The following TXNRD1 variants were observed in gnomAD, a reference collection of about 807,000 sequenced individuals.
The protein encoded by TXNRD1 is thioredoxin reductase 1, cytoplasmic.
In TXNRD1, 57 loss-of-function variants were observed where a neutral mutation model predicts 80.3. The observed-to-expected ratio is 0.71, with a 90% confidence interval of 0.57 to 0.89. The LOEUF is 0.89. TXNRD1 is among the 40% of genes least tolerant of loss of function. TXNRD1 has a pLI of 0.00. For synonymous variants in TXNRD1, 291 were observed against 285.2 expected (o/e 1.02, Z -0.20); for missense variants, 730 against 803.0 (o/e 0.91, Z 1.10).
intron 4 of TXNRD1, chr12:104,310,012 A>G (rs1318678507): frequency 6.5e-7 from 1 of 1,536,190 alleles, no homozygotes; most frequent in Non-Finnish European, 8.7e-7. Flanking sequence ...CCACATCCCA[A>G]GAACCTTCTT....
At chr12:104,243,289 A>G (rs1297075146) in intron 1 of TXNRD1, among the ~76,000 whole-genome samples, 2 of 152,090 alleles carry the variant, frequency 1.3e-5, no homozygotes, top group Non-Finnish European at 2.9e-5. Context: ...GTGTGTTTCC[A>G]TAAAGACTTC....
At chr12:104,263,165 C>G (rs974241500) in intron 3 of TXNRD1, among the ~76,000 whole-genome samples, 2 of 152,192 alleles carry the variant, frequency 1.3e-5, no homozygotes, top group African/African-American at 2.4e-5. Flanking sequence ...CTCCTTGTGC[C>G]AGAGGCTCAT....
intron 1 of TXNRD1, among the ~76,000 whole-genome samples, chr12:104,218,624 C>CT (rs11391182): frequency 0.69 from 101,982 of 147,498 alleles, 35,645 homozygotes; most frequent in East Asian, 0.85. Context: ...TCTTTTCTTT[C>CT]TTTTTTTTTT....
intron 10 of TXNRD1, among the ~76,000 whole-genome samples, chr12:104,323,825 C>A (rs966392270): frequency 6.6e-6 from 1 of 151,276 alleles, no homozygotes; most frequent in Non-Finnish European, 1.5e-5. Flanking sequence ...CCCCCACCTC[C>A]CTCCCGGACG....
intron 2 of TXNRD1, among the ~76,000 whole-genome samples, chr12:104,254,621 A>G (rs2033199117): frequency 8.1e-6 from 1 of 123,348 alleles, no homozygotes; most frequent in Non-Finnish European, 1.6e-5. Flanking sequence ...ACAAGACTCT[A>G]TGTCTATGGA....
At chr12:104,309,749 T>C (rs1006465232) in intron 4 of TXNRD1, 26 of 1,511,888 alleles carry the variant, frequency 1.7e-5, no homozygotes, top group Non-Finnish European at 2.1e-5. Context: ...AAATTGTTTT[T>C]CCCCCACAGT....
intron 1 of TXNRD1, among the ~76,000 whole-genome samples, chr12:104,237,774 G>A (rs10861176): frequency 0.67 from 102,350 of 152,080 alleles, 35,027 homozygotes; most frequent in Non-Finnish European, 0.74. Flanking sequence ...CAGCACTTTG[G>A]GAGGCTGAGG....
chr12:104,266,816 G>C (rs2033499136), intron 3 of TXNRD1, among the ~76,000 whole-genome samples: 1 of 152,078 alleles, frequency 6.6e-6, no homozygotes, highest in African/African-American at 2.4e-5. Context: ...CAAAAAATTA[G>C]CCGGGCGTGT....
intron 1 of TXNRD1, among the ~76,000 whole-genome samples, chr12:104,248,616 T>A (rs1279269097): frequency 3.9e-5 from 6 of 152,116 alleles, no homozygotes; most frequent in African/African-American, 1.4e-4. Context: ...CTTAGGCCCA[T>A]GCCTTGCAAG....
chr12:104,241,122 C>T (rs1418008616), intron 1 of TXNRD1, among the ~76,000 whole-genome samples: 1 of 151,034 alleles, frequency 6.6e-6, no homozygotes, highest in Non-Finnish European at 1.5e-5. Flanking sequence ...TCACTGCAAC[C>T]TCTGCCTCAC....
chr12:104,315,339 T>G (rs1024526797), intron 6 of TXNRD1, among the ~76,000 whole-genome samples: 4 of 152,210 alleles, frequency 2.6e-5, no homozygotes, highest in African/African-American at 9.6e-5. Context: ...AAAGCCTATT[T>G]TATAATAAAG....
intron 1 of TXNRD1, among the ~76,000 whole-genome samples, chr12:104,247,062 G>T (rs574076398): frequency 1.7e-5 from 2 of 117,876 alleles, no homozygotes; most frequent in East Asian, 2.0e-4. Context: ...ACAGTTTTTT[G>T]TTTGTTTGTT....
At chr12:104,345,515 G>T (rs1253388079) in intron 16 of TXNRD1, among the ~76,000 whole-genome samples, 3 of 152,222 alleles carry the variant, frequency 2.0e-5, no homozygotes, top group Non-Finnish European at 4.4e-5. Flanking sequence ...TTTGTCCTGT[G>T]TGAGAGGGAT....
chr12:104,267,245 T>TTCTTTCTTTCTTTCTTTCTTTCTTTCTC (rs2033518367), intron 3 of TXNRD1, among the ~76,000 whole-genome samples: 1 of 121,114 alleles, frequency 8.3e-6, no homozygotes, highest in Non-Finnish European at 1.7e-5. Flanking sequence ...TCTTTTCTCT[T>TTCTTTCTTTCTTTCTTTCTTTCTTTCTC]TCTTTCTTTC....
intron 15 of TXNRD1, among the ~76,000 whole-genome samples, chr12:104,337,700 C>G (rs1181605995): frequency 6.6e-5 from 10 of 151,846 alleles, no homozygotes. Context: ...CTATTAAAAA[C>G]AAAACAAAAC....
At chr12:104,249,267 A>G (rs1403380371) in intron 1 of TXNRD1, among the ~76,000 whole-genome samples, 1 of 152,146 alleles carries the variant, frequency 6.6e-6, no homozygotes, top group Non-Finnish European at 1.5e-5. Context: ...AGTTTCTTTC[A>G]TAACTGCGCT....
intron 3 of TXNRD1, among the ~76,000 whole-genome samples, chr12:104,275,195 T>C (rs1410003801): frequency 6.6e-6 from 1 of 151,148 alleles, no homozygotes; most frequent in East Asian, 2.0e-4. Context: ...GGAGAACCAC[T>C]TGAACCCAGG....
At chr12:104,260,535 A>G (rs1358594748) in intron 3 of TXNRD1, among the ~76,000 whole-genome samples, 7 of 152,124 alleles carry the variant, frequency 4.6e-5, no homozygotes, top group Admixed American at 4.6e-4. Flanking sequence ...TCATATAAAT[A>G]CTGGATCTAT....
chr12:104,265,182 G>A (rs1013266810), intron 3 of TXNRD1: 4 of 844,014 alleles, frequency 4.7e-6, no homozygotes, highest in Admixed American at 2.6e-5. Flanking sequence ...AACCCGGGAG[G>A]TGGAGGTTGC....
Sources: gnomAD v4.1 joint callset for allele counts (sites outside exome capture counted in the v4.1 genomes callset) on GRCh38, gnomAD v4.1.1 for gene constraint, MANE v1.5 for transcripts, NCBI Gene and HGNC (gene_info 2026-07-23, HGNC 2026-07-21) for gene names.